Variants in KANK1 observed in about 807,000 individuals in gnomAD.
KANK1 encodes KN motif and ankyrin repeat domains 1, also known as KN motif and ankyrin repeat domain-containing protein 1.
KANK1 carries 109 observed loss-of-function variants against 106.2 expected under a neutral mutation model. The observed-to-expected ratio is 1.03, with a 90% CI of 0.88 to 1.20. The LOEUF (loss-of-function observed/expected upper bound fraction) is 1.20, where lower values mean the gene tolerates loss of function less well. KANK1 is among the 50% of genes most tolerant of loss of function. The probability of loss-of-function intolerance (pLI) is 0.00; values close to 1 mark genes in which losing one functional copy is unlikely to be tolerated. For synonymous variants in KANK1, 873 were observed against 652.2 expected, an observed-to-expected ratio of 1.34 and a Z score of -5.16; for missense variants, 2,399 against 1,710.7, an observed-to-expected ratio of 1.40 and a Z score of -7.10.
At chr9:525,468 C>T (rs1333240496) in intron 1 of KANK1, among the ~76,000 whole-genome samples, 3 of 151,274 alleles carry the variant, frequency 2.0e-5, no homozygotes, top group African/African-American at 7.4e-5. Flanking sequence ...CAACTTCCAC[C>T]TCCCTGGTTC....
At chr9:603,509 G>A (rs17347735) in intron 1 of KANK1, among the ~76,000 whole-genome samples, 3,701 of 151,848 alleles carry the variant, frequency 0.024, 234 homozygotes, top group African/African-American at 0.085. Flanking sequence ...GTTATGCAGA[G>A]AGACATCACA....
chr9:473,193 G>A lies in KANK1; in HGVS notation c.-441-1G>A, dbSNP rs2058050747. 6.6e-6 allele frequency: 1 copy of A among 152,190 alleles called. No individual in the cohort carries two copies. The highest frequency in any genetic ancestry group is 1.5e-5 in the Non-Finnish European group (1 of 68,036). The allele number at this position is 152,190 out of a possible 1,614,324, so 9.4% of individuals were successfully genotyped here. ...ACACCTTTCATAATTCCTTTCTACA[G>A]GAGAGAATACAGCAGTTCCAAGGAC... is the stretch of plus-strand genomic sequence containing the variant. On this transcript the variant is annotated splice_acceptor_variant, in intron 2 of 15. Coordinates refer to the KANK1 transcript ENST00000382303. LOFTEE classifies it low-confidence loss of function (5UTR_SPLICE).
upstream of KANK1, among the ~76,000 whole-genome samples, chr9:504,497 C>T (rs2058634380): frequency 6.6e-6 from 1 of 151,214 alleles, no homozygotes; most frequent in Non-Finnish European, 1.5e-5. Flanking sequence ...GCGGAGGGAG[C>T]AGCCGGGGCT....
chr9:703,347 G>A (rs970519086), intron 2 of KANK1, among the ~76,000 whole-genome samples: 7 of 152,002 alleles, frequency 4.6e-5, no homozygotes, highest in African/African-American at 1.7e-4. Context: ...AGGGTGTTTG[G>A]TAGTCATCTC....
chr9:532,980 CTG>C (rs2060133196), intron 1 of KANK1, among the ~76,000 whole-genome samples: 1 of 152,128 alleles, frequency 6.6e-6, no homozygotes, highest in Non-Finnish European at 1.5e-5. Context: ...TGGGGCATCT[CTG>C]GCACCATGTT....
At chr9:731,467 G>C in intron 5 of KANK1, 1 of 441,482 alleles carries the variant, frequency 2.3e-6, no homozygotes, top group Non-Finnish European at 4.1e-6. Context: ...CTCTCTTAAG[G>C]ATACCTGATG....
At position 745,172 on chromosome 9, in the gene KANK1, G is replaced by A. The variant is rs750410852; in HGVS notation, c.3997-1G>A. 1 of 1,613,770 alleles carries A rather than the reference G, an allele frequency of 6.2e-7. No homozygotes were observed. Among genetic ancestry groups the A allele is most frequent in the Non-Finnish European group, 8.5e-7 (1 of 1,179,852 alleles). ...AGTTTTTTTCCTTTCCTGGTCTCTA[G>A]GGCACCCCTAGGCTTGGAAGGAAGA... On this transcript the variant is annotated splice_acceptor_variant, in intron 11 of 11. Coordinates refer to ENST00000382297, the MANE Select transcript of KANK1 (RefSeq NM_015158.5). LOFTEE classifies it high-confidence loss of function.
At chr9:601,431 G>A (rs1002032353) in intron 1 of KANK1, among the ~76,000 whole-genome samples, 1 of 151,804 alleles carries the variant, frequency 6.6e-6, no homozygotes, top group African/African-American at 2.4e-5. Flanking sequence ...TTCCCTGTCA[G>A]TTATTTCTGG....
chr9:557,784 C>G (rs1004814971), intron 1 of KANK1, among the ~76,000 whole-genome samples: 1 of 152,260 alleles, frequency 6.6e-6, no homozygotes, highest in Admixed American at 6.5e-5. Context: ...AATCCCAGCA[C>G]TTTGGGAGGC....
chr9:487,831 C>G (rs1385910088), intron 3 of KANK1: 1 of 152,212 alleles, frequency 6.6e-6, no homozygotes, highest in East Asian at 1.9e-4. Context: ...TTCCCAAATC[C>G]TCTGTCAGTG....
chr9:673,197 CTTCTTTTTTTT>C (rs1815596791), intron 1 of KANK1, among the ~76,000 whole-genome samples: 1 of 114,762 alleles, frequency 8.7e-6, no homozygotes, highest in Non-Finnish European at 1.8e-5. Flanking sequence ...GTGACAGTGT[CTTCTTTTTTTT>C]TTTTTTTTTT....
intron 3 of KANK1, among the ~76,000 whole-genome samples, chr9:483,429 G>C (rs10120964): frequency 1.4e-4 from 22 of 152,144 alleles, no homozygotes; most frequent in Non-Finnish European, 2.9e-4. Flanking sequence ...TGATCCTAAT[G>C]TGTAGAGAAC....
At chr9:595,418 C>T (rs1825967192) in intron 1 of KANK1, among the ~76,000 whole-genome samples, 1 of 151,928 alleles carries the variant, frequency 6.6e-6, no homozygotes, top group Admixed American at 6.5e-5. Flanking sequence ...CAGCTCCAAA[C>T]TTGAGCGTTG....
At chr9:603,272 G>T (rs1039098180) in intron 1 of KANK1, among the ~76,000 whole-genome samples, 2 of 151,828 alleles carry the variant, frequency 1.3e-5, no homozygotes, top group African/African-American at 4.9e-5. Flanking sequence ...ATCTCAACTG[G>T]CAGATAAAGC....
intron 3 of KANK1, among the ~76,000 whole-genome samples, chr9:485,402 G>C (rs2058273967): frequency 6.6e-6 from 1 of 152,114 alleles, no homozygotes; most frequent in African/African-American, 2.4e-5. Context: ...ACAAAAATCT[G>C]GTTTTTGAAT....
intron 1 of KANK1, among the ~76,000 whole-genome samples, chr9:588,615 T>A (rs1000274413): frequency 6.6e-6 from 1 of 152,182 alleles, no homozygotes; most frequent in Non-Finnish European, 1.5e-5. Flanking sequence ...TAAAAAACAT[T>A]CTAGGTATTC....
At chr9:705,275 C>G (rs1823772884) in intron 2 of KANK1, among the ~76,000 whole-genome samples, 2 of 151,974 alleles carry the variant, frequency 1.3e-5, no homozygotes, top group South Asian at 2.1e-4. Context: ...TACCTGAGGT[C>G]AGGAGTTTGA....
At chr9:674,364 G>C (rs553296670) in intron 1 of KANK1, 1 of 146,932 alleles carries the variant, frequency 6.8e-6, no homozygotes, top group Admixed American at 6.9e-5. Context: ...CAGCGGGCAG[G>C]CTTGTCAGAA....
chr9:588,748 G>A (rs1340400796), intron 1 of KANK1, among the ~76,000 whole-genome samples: 1 of 152,108 alleles, frequency 6.6e-6, no homozygotes, highest in Non-Finnish European at 1.5e-5. Context: ...GGACTGTAGA[G>A]TTAGATGCCT....
Sources: allele counts gnomAD v4.1 joint callset (sites outside exome capture counted in the v4.1 genomes callset), GRCh38; gene constraint gnomAD v4.1.1; transcripts MANE v1.5; gene names NCBI Gene and HGNC (gene_info 2026-07-23, HGNC 2026-07-21).